Variants in ECT2L observed in about 807,000 individuals in gnomAD.
The protein encoded by ECT2L is epithelial cell-transforming sequence 2 oncogene-like.
A neutral mutation model predicts 122.8 loss-of-function variants in ECT2L; 126 were observed. The ratio of observed to expected loss-of-function variants is 1.03; its 90% CI spans 0.89 to 1.19. ECT2L has a LOEUF of 1.19. ECT2L is among the 50% of genes most tolerant of loss of function. The pLI is 0.00. For synonymous variants in ECT2L, 385 were observed against 381.8 expected (o/e 1.01, Z -0.10); for missense variants, 1,012 against 1,064.1 (o/e 0.95, Z 0.68).
intron 13 of ECT2L, among the ~76,000 whole-genome samples, chr6:138,876,198 C>T (rs1236671131): frequency 2.0e-5 from 3 of 152,010 alleles, no homozygotes; most frequent in East Asian, 1.9e-4. Context: ...CCCAGCCCAG[C>T]ATCACTTCCC....
rs538950851 is a variant in ECT2L, at chr6:138,833,069, T to C, written c.180-5283T>C. The stretch of plus-strand genomic sequence containing the variant: ...GGAACTGTCAAACGCCAATAAAACA[T>C]TGGATCTCATGAGAACTCACTATCA... On this transcript the variant is annotated intron_variant, in intron 4 of 21. Transcript: ENST00000541398. Among the ~76,000 whole-genome samples the C allele has an allele frequency of 1.2e-4, 18 of 152,098 alleles. 1 individual carries two copies. The highest frequency in any genetic ancestry group is 1.2e-4 in the Non-Finnish European group (8 of 68,002).
intron 1 of ECT2L, among the ~76,000 whole-genome samples, chr6:138,805,106 CT>C (rs1473873248): frequency 2.6e-5 from 4 of 152,198 alleles, no homozygotes; most frequent in Non-Finnish European, 5.9e-5. Flanking sequence ...GCAGCTTCCT[CT>C]GTGTAATATA....
At chr6:138,873,420 T>C (rs1168095653) in intron 13 of ECT2L, among the ~76,000 whole-genome samples, 1 of 152,202 alleles carries the variant, frequency 6.6e-6, no homozygotes, top group East Asian at 1.9e-4. Flanking sequence ...TTAGGGTTTA[T>C]TTTTAAAACT....
Position 138,867,998 on chromosome 6 carries a change from T to TC in ECT2L, c.1475-104dup, listed in dbSNP as rs1778108455. The TC allele has an allele frequency of 1.2e-5, 6 of 491,160 alleles. No individual in the cohort carries two copies. The South Asian group carries it at 1.2e-4, about 10-fold the overall frequency. The allele number at this position is 491,160 out of a possible 1,614,324, so 30.4% of individuals were successfully genotyped here. A position where few individuals can be genotyped will look rare whatever the true frequency, so the allele number is the denominator to read the frequency against. On this transcript the variant is annotated intron_variant, in intron 12 of 21. Transcript: ENST00000541398. ...CTGGGCAACAGAGTAAGATTCTGTC[T>TC]CAAAAAAAAAAAAAAAAAAAAGAAA...
chr6:138,837,565 G>A (rs1271084205), intron 4 of ECT2L, among the ~76,000 whole-genome samples: 1 of 151,886 alleles, frequency 6.6e-6, no homozygotes, highest in African/African-American at 2.4e-5. Flanking sequence ...TAGGTCCAGT[G>A]GGGAAGAGAA....
chr6:138,858,513 C>A (rs1777699325), intron 10 of ECT2L, among the ~76,000 whole-genome samples: 1 of 151,976 alleles, frequency 6.6e-6, no homozygotes, highest in South Asian at 2.1e-4. Context: ...TGACTAAATT[C>A]TGACATATGT....
At chr6:138,849,195 GTTCTAT>G in intron 8 of ECT2L, 68 bp from the exon 9 acceptor site, 1 of 1,359,790 alleles carries the variant, frequency 7.4e-7, no homozygotes, top group Admixed American at 2.7e-5. Flanking sequence ...TTTTGTATCC[GTTCTAT>G]TTCTTTCATT....
chr6:138,848,754 A>C (rs980839929), intron 8 of ECT2L, among the ~76,000 whole-genome samples: 2 of 152,156 alleles, frequency 1.3e-5, no homozygotes, highest in Non-Finnish European at 2.9e-5. Context: ...CTATAATCCC[A>C]ACATTTTAGG....
In ECT2L at chr6:138,868,110, T is replaced by G. The variant is rs376887350; in HGVS notation, c.1482T>G (p.Phe494Leu). 2.2e-5 allele frequency: 36 copies of G among 1,607,806 alleles called. 1 individual carries two copies. In the African/African-American group the frequency reaches 4.0e-4, roughly 18 times the overall value. Residue 494 changes from phenylalanine (F) to leucine (L), a missense_variant, in exon 13 of 22, where the codon TTT becomes TTG. Physicochemically the swap from Phe to Leu is conservative, Grantham distance 22. Transcript: ENST00000541398. ...GTGGCCTTGTATTTACAGGGCAGTT[T>G]ATGTTTGACACCATGGGTATGACCA... ...KSISGRMIGQ[F>L]MFDTMGMTNI...
At chr6:138,822,761 G>A (rs1328512289) in intron 4 of ECT2L, 62 of 1,595,316 alleles carry the variant, frequency 3.9e-5, no homozygotes, top group Non-Finnish European at 5.1e-5. Flanking sequence ...CTTTGGAACA[G>A]AACCAGTCAA....
chr6:138,805,813 C>T (rs1775693271), intron 1 of ECT2L, among the ~76,000 whole-genome samples: 1 of 152,194 alleles, frequency 6.6e-6, no homozygotes, highest in Admixed American at 6.5e-5. Context: ...AGAAGTCACA[C>T]ATCATCACTT....
At position 138,900,111 on chromosome 6, in the gene ECT2L, ATT is replaced by A. The variant is rs573278746; in HGVS notation, c.2415-836_2415-835del. On this transcript the variant is annotated intron_variant, in intron 20 of 21. Transcript: ENST00000541398. ...TTTACCTTTCAAACTGATGAACTATATTAGGTTATCTACTGCTTTCCAATCAA... is the reference window on the plus strand; with the variant it reads ...TTTACCTTTCAAACTGATGAACTATAAGGTTATCTACTGCTTTCCAATCAA... Among the ~76,000 whole-genome samples the A allele has an allele frequency of 2.8e-4, 42 of 152,352 alleles. No individual in the cohort carries two copies. The East Asian group carries it at 5.8e-3, about 21-fold the overall frequency.
At chr6:138,836,521 C>T (rs1776846137) in intron 4 of ECT2L, among the ~76,000 whole-genome samples, 1 of 151,956 alleles carries the variant, frequency 6.6e-6, no homozygotes, top group African/African-American at 2.4e-5. Flanking sequence ...CTCCTGACCT[C>T]AGGTGATCCA....
intron 4 of ECT2L, among the ~76,000 whole-genome samples, chr6:138,835,672 ATG>A (rs1223058206): frequency 6.6e-6 from 1 of 152,222 alleles, no homozygotes; most frequent in Admixed American, 6.5e-5. Context: ...AAGTGTGTCA[ATG>A]TGTGTTTCCT....
chr6:138,827,577 G>T, intron 4 of ECT2L, among the ~76,000 whole-genome samples: 1 of 151,214 alleles, frequency 6.6e-6, no homozygotes. Context: ...TGTTTTTTGA[G>T]ATGGAGTCTC....
chr6:138,885,453 T>C (rs1024292804), intron 16 of ECT2L, 53 bp from the exon 17 acceptor site: 36 of 1,559,246 alleles, frequency 2.3e-5, no homozygotes, highest in Non-Finnish European at 2.6e-5. Flanking sequence ...AGTGGAACAG[T>C]GGACTTTACA....
intron 9 of ECT2L, among the ~76,000 whole-genome samples, chr6:138,850,994 C>CAAAAAAAAAAAAAAAAAAA (rs34453938): frequency 1.7e-5 from 1 of 57,770 alleles, no homozygotes; most frequent in Admixed American, 2.8e-4. Flanking sequence ...AACTCCATCT[C>CAAAAAAAAAAAAAAAAAAA]AAAAAAAAAA....
chr6:138,885,615 C>T (rs368512332), intron 17 of ECT2L, 36 bp downstream of exon 17: 1 of 1,614,024 alleles, frequency 6.2e-7, no homozygotes, highest in Non-Finnish European at 8.5e-7. Flanking sequence ...GGGGTCCCCC[C>T]AGAGAGGGCA....
intron 15 of ECT2L, among the ~76,000 whole-genome samples, 176 bp from the exon 16 acceptor site, chr6:138,882,548 G>A (rs1249339669): frequency 6.6e-6 from 1 of 152,108 alleles, no homozygotes; most frequent in African/African-American, 2.4e-5. Flanking sequence ...ACTCCTTCAC[G>A]TCCCAGTTCC....
Sources: allele counts gnomAD v4.1 joint callset (sites outside exome capture counted in the v4.1 genomes callset), GRCh38; gene constraint gnomAD v4.1.1; transcripts MANE v1.5; gene names NCBI Gene and HGNC (gene_info 2026-07-23, HGNC 2026-07-21).